CELF4: variants seen among roughly 807,000 people sequenced by gnomAD.
CELF4 encodes the protein CUG-BP- and ETR-3-like factor 4.
A neutral mutation model predicts 59.9 loss-of-function variants in CELF4; 18 were observed. That is an observed-to-expected ratio of 0.30 (90% CI 0.21 to 0.45). The LOEUF (loss-of-function observed/expected upper bound fraction) is 0.45. Among genes scored for constraint, CELF4 ranks in the 20% least tolerant of loss-of-function variants. CELF4 has a pLI of 1.00. For synonymous variants in CELF4, 261 were observed against 267.1 expected, an observed-to-expected ratio of 0.98 and a Z score of 0.22; for missense variants, 456 against 689.0, an observed-to-expected ratio of 0.66 and a Z score of 3.79.
intron 1 of CELF4, among the ~76,000 whole-genome samples, chr18:37,557,330 T>C (rs1176387951): frequency 6.6e-6 from 1 of 152,218 alleles, no homozygotes; most frequent in Non-Finnish European, 1.5e-5. Context: ...AACCAAGTTG[T>C]GTAATTTTAG....
intron 4 of CELF4, 50 bp from the exon 5 acceptor site, chr18:37,274,934 G>A: frequency 6.3e-7 from 1 of 1,586,338 alleles, no homozygotes; most frequent in Non-Finnish European, 8.6e-7. Flanking sequence ...GGGCCAGGGA[G>A]GGGCCGGGAG....
At chr18:37,357,892 AT>A (rs2098628503) in intron 2 of CELF4, among the ~76,000 whole-genome samples, 1 of 152,016 alleles carries the variant, frequency 6.6e-6, no homozygotes, top group African/African-American at 2.4e-5. Flanking sequence ...GTTTTGGCCA[AT>A]TTCTCCCATT....
chr18:37,410,884 A>G (rs1459968145), intron 2 of CELF4, among the ~76,000 whole-genome samples: 2 of 152,166 alleles, frequency 1.3e-5, no homozygotes, highest in African/African-American at 2.4e-5. Context: ...CTGCAGGGGC[A>G]CTGCTCCCTT....
intron 3 of CELF4, among the ~76,000 whole-genome samples, chr18:37,309,949 A>T (rs1352227997): frequency 6.6e-6 from 1 of 151,070 alleles, no homozygotes; most frequent in East Asian, 2.0e-4. Context: ...TCCTTATCCC[A>T]TTCCATTCTG....
In CELF4 at chr18:37,259,273, AG is replaced by A; in HGVS notation, c.1250-10del. On this transcript the variant is annotated splice_polypyrimidine_tract_variant and intron_variant, in intron 10 of 12. Transcript: ENST00000420428. ...GTTACAGCCCTCGGGCCCTGCGGTG[AG>A]GGGAGGGGGTGGGCGGGGGAGGAGG... 1 of 208,568 alleles carries A rather than the reference AG, an allele frequency of 4.8e-6. No individual in the cohort carries two copies. Among genetic ancestry groups the A allele is most frequent in the Non-Finnish European group, 8.1e-6 (1 of 122,968 alleles). The allele number at this position is 208,568 out of a possible 1,614,324, so 12.9% of individuals were successfully genotyped here.
rs2067557435 is a variant in CELF4 at position 37,254,164 on chromosome 18, A to G, written c.1334-226T>C. Among the ~76,000 whole-genome samples the G allele has an allele frequency of 1.3e-5, 2 of 150,252 alleles. No individual in the cohort carries two copies. The highest frequency in any genetic ancestry group is 4.2e-4 in the South Asian group (2 of 4,808). On this transcript the variant is annotated intron_variant, in intron 11 of 12. Transcript: ENST00000420428. This position sits in a 1 kb window ranked among gnomAD's most constrained non-coding sequence, Gnocchi z 5.1. ...GGACCCGGCTCGCTGACCTGCGCCTAGTCTCTGGCCGCGTCACTCGCCCGG... is the reference window on the plus strand; with the variant it reads ...GGACCCGGCTCGCTGACCTGCGCCTGGTCTCTGGCCGCGTCACTCGCCCGG...
intron 1 of CELF4, among the ~76,000 whole-genome samples, chr18:37,539,660 T>C (rs2099976374): frequency 6.6e-6 from 1 of 152,194 alleles, no homozygotes; most frequent in African/African-American, 2.4e-5. Context: ...CACTGTTTGA[T>C]AGAACTTTCT....
intron 2 of CELF4, among the ~76,000 whole-genome samples, chr18:37,483,131 T>C (rs1157626011): frequency 1.3e-5 from 2 of 152,168 alleles, no homozygotes; most frequent in East Asian, 1.9e-4. Context: ...GTGAGAGCAT[T>C]TGGCTTGGTC....
chr18:37,489,162 A>G (rs2099890885), intron 1 of CELF4, among the ~76,000 whole-genome samples: 1 of 152,264 alleles, frequency 6.6e-6, no homozygotes, highest in African/African-American at 2.4e-5. Flanking sequence ...TTCCCAGTCC[A>G]TCTCCAGCCC....
chr18:37,378,806 C>T (rs1260569161), intron 2 of CELF4, among the ~76,000 whole-genome samples: 1 of 152,074 alleles, frequency 6.6e-6, no homozygotes, highest in Admixed American at 6.5e-5. Context: ...GGTGCACTGC[C>T]CCACGAGTCA....
chr18:37,540,669 G>T (rs981614715), intron 1 of CELF4, among the ~76,000 whole-genome samples: 1 of 152,186 alleles, frequency 6.6e-6, no homozygotes, highest in East Asian at 1.9e-4. Context: ...AGCAGTTCCC[G>T]CTCTCCCTGC....
At chr18:37,275,323 G>A in intron 3 of CELF4, 80 bp from the exon 4 acceptor site, 2 of 1,503,224 alleles carry the variant, frequency 1.3e-6, no homozygotes, top group South Asian at 1.3e-5. Flanking sequence ...GGGGGAGAGC[G>A]GCAGGGAAAG....
chr18:37,416,313 C>T (rs190383943), intron 2 of CELF4, among the ~76,000 whole-genome samples: 1 of 152,150 alleles, frequency 6.6e-6, no homozygotes, highest in African/African-American at 2.4e-5. Context: ...TGTAATCCTC[C>T]CTTCTTTGAC....
chr18:37,553,710 G>T lies in CELF4; in HGVS notation c.286+11646C>A, dbSNP rs533984691. Among the ~76,000 whole-genome samples the T allele has an allele frequency of 2.6e-5, 4 of 152,326 alleles. No homozygotes were observed. The South Asian group carries it at 8.3e-4, about 32-fold the overall frequency. On this transcript the variant is annotated intron_variant, in intron 1 of 12. Coordinates refer to ENST00000420428, the MANE Select transcript of CELF4 (RefSeq NM_020180.4). ...GCTCAGGCCCGGCTTGTCAAGTGAG[G>T]GAAATGACGTGGAGAGTCCCCCACC...
Position 37,254,205 on chromosome 18 carries a change from T to A in CELF4, c.1334-267A>T, listed in dbSNP as rs2067601200. ...ACTCGCCCGGCGCCCGCTCCCCAAG[T>A]GGGGCCCGCGGCCGGGCGGCGCTGG... On this transcript the variant is annotated intron_variant, in intron 11 of 12. Coordinates refer to ENST00000420428, the MANE Select transcript of CELF4 (RefSeq NM_020180.4). The surrounding 1 kb of genome is among the most constrained non-coding windows in gnomAD (Gnocchi z 5.1). 6.6e-6 allele frequency among the ~76,000 whole-genome samples: 1 copy of A among 150,528 alleles called. No homozygotes were observed. The highest frequency in any genetic ancestry group is 1.5e-5 in the Non-Finnish European group (1 of 67,392).
intron 3 of CELF4, among the ~76,000 whole-genome samples, chr18:37,314,446 C>T (rs143748774): frequency 6.6e-6 from 1 of 152,148 alleles, no homozygotes; most frequent in East Asian, 1.9e-4. Context: ...CAGAGTGAGA[C>T]TGTCTCAAAA....
At chr18:37,421,136 C>T (rs915288684) in intron 2 of CELF4, among the ~76,000 whole-genome samples, 10 of 152,214 alleles carry the variant, frequency 6.6e-5, no homozygotes, top group African/African-American at 2.4e-4. Context: ...GGCCCATTCA[C>T]ATACTGCCAA....
intron 2 of CELF4, among the ~76,000 whole-genome samples, chr18:37,478,717 G>A (rs1457169884): frequency 6.6e-6 from 1 of 152,222 alleles, no homozygotes; most frequent in Non-Finnish European, 1.5e-5. Flanking sequence ...TGGAAGAGCA[G>A]AGGCAAGTTT....
chr18:37,485,822 C>G, intron 1 of CELF4: 1 of 368,676 alleles, frequency 2.7e-6, no homozygotes, highest in Non-Finnish European at 4.8e-6. Context: ...TTCTATTTTG[C>G]TCCCTCCGCG....
Sources: gnomAD v4.1 joint callset for allele counts (sites outside exome capture counted in the v4.1 genomes callset) on GRCh38, gnomAD v4.1.1 for gene constraint, Gnocchi (gnomAD v3.1) non-coding constraint, MANE v1.5 for transcripts, NCBI Gene and HGNC (gene_info 2026-07-23, HGNC 2026-07-21) for gene names.